The following VAC14 variants were observed in gnomAD, a reference collection of about 807,000 sequenced individuals.
The protein encoded by VAC14 is protein VAC14 homolog.
In VAC14, 47 loss-of-function variants were observed where a neutral mutation model predicts 85.3. That is an observed-to-expected ratio of 0.55 (90% CI 0.44 to 0.70). The LOEUF (loss-of-function observed/expected upper bound fraction) is 0.70, where lower values mean the gene tolerates loss of function less well. Among genes scored for constraint, VAC14 ranks in the 30% least tolerant of loss-of-function variants. The pLI, the probability that VAC14 is intolerant of heterozygous loss-of-function variation, is 0.00. For missense variants in VAC14, 861 were observed against 1,004.3 expected (o/e 0.86, Z 1.93); for synonymous variants, 447 against 430.5 (o/e 1.04, Z -0.47).
At chr16:70,727,550 G>C (rs1039632538) in intron 14 of VAC14, among the ~76,000 whole-genome samples, 1 of 152,146 alleles carries the variant, frequency 6.6e-6, no homozygotes, top group Non-Finnish European at 1.5e-5. Context: ...ATGTTGGCCA[G>C]GCTGGTCTTG....
At chr16:70,757,824 T>A (rs2031993416) in intron 12 of VAC14, among the ~76,000 whole-genome samples, 1 of 152,184 alleles carries the variant, frequency 6.6e-6, no homozygotes, top group African/African-American at 2.4e-5. Context: ...ACATTCATGA[T>A]CTCATTTCAT....
chr16:70,709,846 G>A (rs1339224636), intron 14 of VAC14, among the ~76,000 whole-genome samples: 1 of 152,182 alleles, frequency 6.6e-6, no homozygotes, highest in Non-Finnish European at 1.5e-5. Flanking sequence ...TACATTCCCT[G>A]GCTGACACTG....
rs916087154 is a variant in VAC14, at chr16:70,695,578, C to T, written c.2001G>A (p.Lys667=). The T allele has an allele frequency of 4.3e-6, 7 of 1,613,866 alleles. No individual in the cohort carries two copies. The African/African-American group carries it at 9.3e-5, about 22-fold the overall frequency. The change falls in exon 17 of 19, where the codon AAG becomes AAA. Residue 667 remains lysine (K), a synonymous_variant. Transcript: ENST00000261776. The part of the protein sequence containing the change: ...VTVDFLAEVD[K]LVQLIECPIF... Reference sequence around the variant, plus strand: ...TGGGGCACTCAATCAGCTGCACCAGCTTGTCCACCTCTGCGAGGAAGTCCA... The same window carrying T: ...TGGGGCACTCAATCAGCTGCACCAGTTTGTCCACCTCTGCGAGGAAGTCCA...
chr16:70,698,443 T>A (rs2053757276), intron 15 of VAC14, among the ~76,000 whole-genome samples, 194 bp downstream of exon 15: 1 of 152,112 alleles, frequency 6.6e-6, no homozygotes, highest in Non-Finnish European at 1.5e-5. Flanking sequence ...GTGGGTGACG[T>A]GACGCACCCA....
At chr16:70,761,184 G>T (rs1295953992) in intron 12 of VAC14, 1 of 455,954 alleles carries the variant, frequency 2.2e-6, no homozygotes, top group South Asian at 1.6e-5. Flanking sequence ...TCAGGCTGCA[G>T]GACAGCTGCC....
At position 70,785,812 on chromosome 16, in the gene VAC14, C is replaced by A. The variant is rs117030981; in HGVS notation, c.313G>T (p.Ala105Ser). 2.2e-5 allele frequency: 35 copies of A among 1,603,096 alleles called. No individual in the cohort carries two copies. The highest frequency in any genetic ancestry group is 3.0e-5 in the Non-Finnish European group (35 of 1,174,006). Residue 105 changes from alanine (A) to serine (S), a missense_variant, in exon 3 of 19, where the codon GCA becomes TCA. By Grantham distance (99) the Ala-to-Ser change is moderately conservative. Around this residue, in one of 3 missense-constraint regions of VAC14, gnomAD observed 629 missense variants for 703.1 expected, o/e 0.89. Coordinates refer to ENST00000261776, the MANE Select transcript of VAC14 (RefSeq NM_018052.5). ...GCATAGTAGCGCAGCCTGCTGTCTG[C>A]ATCATTGAAGCAGGTCAGCACTGGC... Reference protein sequence around the residue: ...IEPVLTCFNDADSRLRYYACE... With the variant: ...IEPVLTCFNDSDSRLRYYACE...
At position 70,798,295 on chromosome 16, in the gene VAC14, C is replaced by T. The variant is rs571245180; in HGVS notation, c.104+2502G>A. Among the ~76,000 whole-genome samples, 5 of 152,310 alleles carry T rather than the reference C, an allele frequency of 3.3e-5. No individual in the cohort carries two copies. In the South Asian group the frequency reaches 1.0e-3, roughly 32 times the overall value. ...CATTTAGGGAGCACATGAACTGACT[C>T]ATTTACACTACATAGATAACTGCCA... On this transcript the variant is annotated intron_variant, in intron 1 of 18. Coordinates refer to ENST00000261776, the MANE Select transcript of VAC14 (RefSeq NM_018052.5).
chr16:70,724,708 C>T (rs946568413), intron 14 of VAC14, among the ~76,000 whole-genome samples: 2 of 152,170 alleles, frequency 1.3e-5, no homozygotes, highest in South Asian at 2.1e-4. Context: ...GGCCCCTGGG[C>T]GGGGAACGGC....
intron 9 of VAC14, among the ~76,000 whole-genome samples, chr16:70,780,139 G>C (rs1024867273): frequency 6.6e-6 from 1 of 151,120 alleles, no homozygotes; most frequent in East Asian, 1.9e-4. Flanking sequence ...TACCCAGCCC[G>C]GCCATAAATG....
chr16:70,692,074 G>C, intron 18 of VAC14: 1 of 982,456 alleles, frequency 1.0e-6, no homozygotes, highest in Non-Finnish European at 1.2e-6. Flanking sequence ...TTTCCATCTC[G>C]GATGCCAAAT....
At chr16:70,774,002 T>G (rs181051215) in intron 9 of VAC14, among the ~76,000 whole-genome samples, 1 of 152,102 alleles carries the variant, frequency 6.6e-6, no homozygotes, top group East Asian at 1.9e-4. Context: ...TACAAACTCC[T>G]GGGCTCAAGT....
chr16:70,735,015 TAGG>T (rs2054705642), intron 13 of VAC14, among the ~76,000 whole-genome samples: 2 of 151,926 alleles, frequency 1.3e-5, no homozygotes, highest in Admixed American at 1.3e-4. Flanking sequence ...GCTCACAGAT[TAGG>T]AGGTGGTGCC....
intron 13 of VAC14, among the ~76,000 whole-genome samples, chr16:70,733,773 T>C (rs1206117809): frequency 2.0e-5 from 3 of 152,306 alleles, no homozygotes; most frequent in African/African-American, 7.2e-5. Flanking sequence ...CCTGCAGAAC[T>C]GTAAGCCAAT....
intron 14 of VAC14, among the ~76,000 whole-genome samples, chr16:70,704,743 G>C (rs1390646188): frequency 6.6e-6 from 1 of 152,230 alleles, no homozygotes; most frequent in Non-Finnish European, 1.5e-5. Context: ...GCCCGCTCGG[G>C]AGGAGCTGGG....
At chr16:70,711,022 A>G (rs995558605) in intron 14 of VAC14, among the ~76,000 whole-genome samples, 12 of 152,176 alleles carry the variant, frequency 7.9e-5, no homozygotes, top group African/African-American at 2.7e-4. Context: ...GCATGGCTTC[A>G]GCTCCACGTC....
At chr16:70,760,084 G>A (rs576464755) in intron 12 of VAC14, among the ~76,000 whole-genome samples, 74 of 152,168 alleles carry the variant, frequency 4.9e-4, no homozygotes, top group Non-Finnish European at 7.6e-4. Flanking sequence ...AATCTTCCAC[G>A]ACAACCTGTG....
chr16:70,783,676 A>T, intron 5 of VAC14, 122 bp from the exon 6 acceptor site: 1 of 940,298 alleles, frequency 1.1e-6, no homozygotes, highest in Non-Finnish European at 1.6e-6. Context: ...CCTGCAGTGC[A>T]GGTGTCCCAT....
chr16:70,782,926 C>A, intron 7 of VAC14, 107 bp downstream of exon 7: 4 of 1,016,638 alleles, frequency 3.9e-6, no homozygotes, highest in Non-Finnish European at 6.0e-6. Flanking sequence ...TACCAGGAAT[C>A]TCCCCTGCCC....
intron 14 of VAC14, among the ~76,000 whole-genome samples, chr16:70,730,477 T>C (rs555048150): frequency 5.3e-4 from 80 of 151,320 alleles, no homozygotes; most frequent in Non-Finnish European, 1.1e-3. Flanking sequence ...CTCCTTCAAC[T>C]CCTGACCCCC....
Sources: gnomAD v4.1 joint callset for allele counts (sites outside exome capture counted in the v4.1 genomes callset) on GRCh38, gnomAD v4.1.1 for gene constraint, gnomAD v4.1.1 regional missense constraint, MANE v1.5 for transcripts, NCBI Gene and HGNC (gene_info 2026-07-23, HGNC 2026-07-21) for gene names.